Variants in NELL2 observed in about 807,000 individuals in gnomAD.
NELL2 encodes protein kinase C-binding protein NELL2.
In NELL2, 41 loss-of-function variants were observed where a neutral mutation model predicts 109.6. The ratio of observed to expected loss-of-function variants is 0.37; its 90% CI spans 0.29 to 0.49. NELL2 has a LOEUF of 0.49. Among genes scored for constraint, NELL2 ranks in the 20% least tolerant of loss-of-function variants. The probability of loss-of-function intolerance (pLI) is 0.98; values close to 1 mark genes in which losing one functional copy is unlikely to be tolerated. For synonymous variants in NELL2, 355 were observed against 344.7 expected (o/e 1.03, Z -0.33); for missense variants, 900 against 1,008.3 (o/e 0.89, Z 1.45).
intron 19 of NELL2, 77 bp downstream of exon 19, chr12:44,519,928 A>C: frequency 7.9e-7 from 1 of 1,261,084 alleles, no homozygotes; most frequent in Non-Finnish European, 1.1e-6. Flanking sequence ...CCTATTGTCC[A>C]GGTAGAGCAC....
chr12:44,679,796 A>T, intron 12 of NELL2, among the ~76,000 whole-genome samples: 1 of 152,096 alleles, frequency 6.6e-6, no homozygotes, highest in East Asian at 1.9e-4. Flanking sequence ...CTTCTCCGCC[A>T]ATCTAAATTG....
intron 15 of NELL2, among the ~76,000 whole-genome samples, chr12:44,539,656 G>T (rs916870512): frequency 3.3e-5 from 5 of 151,892 alleles, no homozygotes; most frequent in Non-Finnish European, 7.4e-5. Flanking sequence ...CCATAACCAA[G>T]ATATAATGCA....
At chr12:44,691,031 A>C (rs1948881421) in intron 12 of NELL2, among the ~76,000 whole-genome samples, 1 of 152,186 alleles carries the variant, frequency 6.6e-6, no homozygotes, top group Non-Finnish European at 1.5e-5. Context: ...TAAGTCATTA[A>C]GTTGAGGGGG....
At chr12:44,744,595 G>A (rs915864412) in intron 9 of NELL2, among the ~76,000 whole-genome samples, 4 of 151,424 alleles carry the variant, frequency 2.6e-5, no homozygotes, top group South Asian at 2.1e-4. Context: ...TCAAAGAGAC[G>A]CAATAAAAAA....
intron 1 of NELL2, among the ~76,000 whole-genome samples, chr12:44,912,328 G>C (rs989547780): frequency 1.8e-4 from 27 of 151,946 alleles, no homozygotes; most frequent in African/African-American, 6.3e-4. Flanking sequence ...TAGTTCTATG[G>C]GATGTTGAAA....
chr12:44,537,296 T>G (rs1421982508), intron 15 of NELL2, among the ~76,000 whole-genome samples: 2 of 152,152 alleles, frequency 1.3e-5, no homozygotes, highest in Non-Finnish European at 2.9e-5. Flanking sequence ...TTCTCATGCA[T>G]AGTAATAGTT....
intron 2 of NELL2, among the ~76,000 whole-genome samples, chr12:44,840,102 T>C (rs1054744213): frequency 6.6e-6 from 1 of 152,176 alleles, no homozygotes; most frequent in Non-Finnish European, 1.5e-5. Flanking sequence ...TGCTGTGCTT[T>C]TGCCTGCAAT....
chr12:44,813,900 A>G (rs1481035280), intron 3 of NELL2, among the ~76,000 whole-genome samples: 1 of 152,220 alleles, frequency 6.6e-6, no homozygotes, highest in Non-Finnish European at 1.5e-5. Context: ...CCTGACAGCA[A>G]ACCACCTGAT....
At chr12:44,560,308 G>T (rs146385797) in intron 15 of NELL2, among the ~76,000 whole-genome samples, 90 of 152,140 alleles carry the variant, frequency 5.9e-4, no homozygotes, top group African/African-American at 2.0e-3. Context: ...GCTAGCAGAA[G>T]ACAAGAAATA....
intron 10 of NELL2, among the ~76,000 whole-genome samples, chr12:44,714,056 A>G (rs1229149350): frequency 6.6e-6 from 1 of 151,944 alleles, no homozygotes; most frequent in Middle Eastern, 3.2e-3. Context: ...TTTACAAAAG[A>G]CAAACATGAA....
intron 15 of NELL2, among the ~76,000 whole-genome samples, chr12:44,587,382 GATT>G (rs1282965077): frequency 2.0e-5 from 3 of 147,566 alleles, no homozygotes; most frequent in African/African-American, 5.0e-5. Flanking sequence ...TAACTAACGT[GATT>G]ATTACTAATT....
intron 2 of NELL2, among the ~76,000 whole-genome samples, chr12:44,846,783 T>C (rs561884854): frequency 1.2e-4 from 19 of 152,338 alleles, no homozygotes; most frequent in African/African-American, 3.8e-4. Context: ...GCCAATTTAT[T>C]AAGTTGTCCA....
chr12:44,733,802 T>C (rs928000444), intron 9 of NELL2, among the ~76,000 whole-genome samples: 1 of 151,800 alleles, frequency 6.6e-6, no homozygotes, highest in Non-Finnish European at 1.5e-5. Flanking sequence ...ATGAATGAAT[T>C]ATAGTATGGA....
At chr12:44,681,300 C>G (rs1416409150) in intron 12 of NELL2, among the ~76,000 whole-genome samples, 1 of 150,056 alleles carries the variant, frequency 6.7e-6, no homozygotes, top group Admixed American at 6.6e-5. Flanking sequence ...AACGTTGAAA[C>G]ACTGTATACG....
intron 1 of NELL2, among the ~76,000 whole-genome samples, chr12:44,893,196 A>C (rs1174815557): frequency 6.6e-6 from 1 of 152,164 alleles, no homozygotes; most frequent in Non-Finnish European, 1.5e-5. Context: ...TGCCTCTGGC[A>C]GACCCAGGAA....
At chr12:44,707,355 C>T (rs533195813) in intron 11 of NELL2, among the ~76,000 whole-genome samples, 31 of 152,090 alleles carry the variant, frequency 2.0e-4, no homozygotes, top group East Asian at 5.8e-4. Context: ...ATGATATGAG[C>T]GTAAGAATGT....
intron 15 of NELL2, among the ~76,000 whole-genome samples, chr12:44,565,607 T>G (rs1943627782): frequency 6.6e-6 from 1 of 152,162 alleles, no homozygotes; most frequent in Non-Finnish European, 1.5e-5. Context: ...ACTCACATGC[T>G]TAGTCTAGAG....
At chr12:44,513,585 A>C (rs1941099764) in intron 19 of NELL2, among the ~76,000 whole-genome samples, 1 of 151,940 alleles carries the variant, frequency 6.6e-6, no homozygotes, top group Admixed American at 6.6e-5. Context: ...AAACTACTAA[A>C]AATTAAGTGG....
intron 15 of NELL2, among the ~76,000 whole-genome samples, chr12:44,546,245 GT>G (rs995959179): frequency 1.6e-4 from 25 of 152,114 alleles, no homozygotes; most frequent in African/African-American, 5.8e-4. Context: ...CAATACTACA[GT>G]TTTCATATAT....
Sources: gnomAD v4.1 joint callset for allele counts (sites outside exome capture counted in the v4.1 genomes callset) on GRCh38, gnomAD v4.1.1 for gene constraint, MANE v1.5 for transcripts, NCBI Gene and HGNC (gene_info 2026-07-23, HGNC 2026-07-21) for gene names.